The following IPCEF1 variants were observed in gnomAD, a reference collection of about 807,000 sequenced individuals.
The protein encoded by IPCEF1 is interactor protein for cytohesin exchange factors 1.
IPCEF1 carries 31 observed loss-of-function variants against 50.9 expected under a neutral mutation model. The observed-to-expected ratio is 0.61, with a 90% confidence interval of 0.46 to 0.82. IPCEF1 has a LOEUF of 0.82. Among genes scored for constraint, IPCEF1 ranks in the 40% least tolerant of loss-of-function variants. IPCEF1 has a pLI of 0.00. For synonymous variants in IPCEF1, 181 were observed against 192.0 expected (o/e 0.94, Z 0.47); for missense variants, 458 against 514.0 (o/e 0.89, Z 1.05).
At chr6:154,349,467 T>G (rs1784087651) in intron 1 of IPCEF1, among the ~76,000 whole-genome samples, 1 of 152,020 alleles carries the variant, frequency 6.6e-6, no homozygotes, top group African/African-American at 2.4e-5. Flanking sequence ...GCTCAAGTGA[T>G]CTTTCCACCT....
rs192623380 is a variant in IPCEF1 at position 154,155,953 on chromosome 6, A to G, written c.*3875T>C. On this transcript the variant is annotated 3_prime_UTR_variant, in exon 12 of 12. Transcript: ENST00000367220. The stretch of plus-strand genomic sequence containing the variant: ...TGGAGTGCTACCTGAGTAAATTATC[A>G]TGATTACATGAAAAGCAATTAAGAG... 2.6e-5 allele frequency: 4 copies of G among 152,338 alleles called. No individual in the cohort carries two copies. The highest frequency in any genetic ancestry group is 7.2e-5 in the African/African-American group (3 of 41,578). 9.4% of individuals were successfully genotyped at this position (152,338 alleles called of 1,614,324 possible).
intron 1 of IPCEF1, among the ~76,000 whole-genome samples, chr6:154,333,429 C>T (rs1783715955): frequency 6.6e-6 from 1 of 151,978 alleles, no homozygotes; most frequent in Non-Finnish European, 1.5e-5. Flanking sequence ...TGCCCCTGAA[C>T]ATCAGACTCC....
At chr6:154,348,549 G>C (rs1205501946) in intron 1 of IPCEF1, among the ~76,000 whole-genome samples, 2 of 152,248 alleles carry the variant, frequency 1.3e-5, no homozygotes, top group African/African-American at 4.8e-5. Context: ...AGTATTTGGT[G>C]AAGGTTGAAT....
Position 154,273,704 on chromosome 6 carries a change from TTTTC to T in IPCEF1, c.-17-7744_-17-7741del, listed in dbSNP as rs776985277. ...CAAATTATTTTAAGCTTTTTTCTTT[TTTTC>T]TTTCTTTCTTTCTTTCTTTTTTTTT... On this transcript the variant is annotated intron_variant, in intron 2 of 11. Transcript: ENST00000367220. Among the ~76,000 whole-genome samples the T allele has an allele frequency of 2.2e-4, 17 of 77,390 alleles. 1 individual carries two copies. Among genetic ancestry groups the T allele is most frequent in the Admixed American group, 5.6e-4 (4 of 7,080 alleles). 50.8% of individuals were successfully genotyped at this position (77,390 alleles called of 152,430 possible). A position where few individuals can be genotyped will look rare whatever the true frequency, so the allele number is the denominator to read the frequency against.
intron 1 of IPCEF1, among the ~76,000 whole-genome samples, chr6:154,301,317 G>A (rs1206014084): frequency 6.6e-6 from 1 of 152,196 alleles, no homozygotes; most frequent in Non-Finnish European, 1.5e-5. Flanking sequence ...CTGGGGCCAT[G>A]CACTGGTAGG....
intron 9 of IPCEF1, among the ~76,000 whole-genome samples, chr6:154,206,684 C>T (rs1777520689): frequency 1.3e-5 from 2 of 152,170 alleles, no homozygotes; most frequent in South Asian, 4.1e-4. Context: ...ACCTAGAGGA[C>T]TAGAGATGTT....
chr6:154,294,485 T>A (rs931796289), intron 1 of IPCEF1, among the ~76,000 whole-genome samples: 1 of 152,002 alleles, frequency 6.6e-6, no homozygotes, highest in African/African-American at 2.4e-5. Flanking sequence ...TTGACCCCAG[T>A]GAGACAGCCA....
At chr6:154,325,384 G>A (rs2045532636) in intron 1 of IPCEF1, among the ~76,000 whole-genome samples, 1 of 152,132 alleles carries the variant, frequency 6.6e-6, no homozygotes, top group South Asian at 2.1e-4. Flanking sequence ...TGTATAAACT[G>A]GTTAGTGATT....
intron 10 of IPCEF1, among the ~76,000 whole-genome samples, chr6:154,192,676 G>T (rs1045371112): frequency 2.0e-5 from 3 of 151,280 alleles, no homozygotes; most frequent in African/African-American, 4.9e-5. Flanking sequence ...AAAAAAAAAT[G>T]ACTTAATCCT....
intron 2 of IPCEF1, among the ~76,000 whole-genome samples, chr6:154,270,059 A>C (rs2128657501): frequency 6.6e-6 from 1 of 152,342 alleles, no homozygotes; most frequent in Admixed American, 6.5e-5. Flanking sequence ...TATCAGTTTA[A>C]GCAAAGTGCC....
chr6:154,173,076 C>G (rs1240536469), intron 10 of IPCEF1, among the ~76,000 whole-genome samples: 1 of 152,230 alleles, frequency 6.6e-6, no homozygotes, highest in Non-Finnish European at 1.5e-5. Context: ...AGCTGAGGGT[C>G]CTGTCTGTTA....
At position 154,168,868 on chromosome 6, in the gene IPCEF1, A is replaced by G. The variant is rs1408051683; in HGVS notation, c.911-755T>C. On this transcript the variant is annotated intron_variant, in intron 10 of 11. Coordinates refer to ENST00000367220, the MANE Select transcript of IPCEF1 (RefSeq NM_001130700.2). The surrounding 1 kb of genome is among the most constrained non-coding windows in gnomAD (Gnocchi z 4.1). ...TGATCCGCCCACCTTGGCCTCCCAAAGTGCTGGGATTACAGGTGTGAGCCA... is the reference window on the plus strand; with the variant it reads ...TGATCCGCCCACCTTGGCCTCCCAAGGTGCTGGGATTACAGGTGTGAGCCA... Among the ~76,000 whole-genome samples the G allele has an allele frequency of 2.0e-5, 3 of 152,016 alleles. No individual in the cohort carries two copies. The highest frequency in any genetic ancestry group is 4.4e-5 in the Non-Finnish European group (3 of 67,996).
intron 1 of IPCEF1, among the ~76,000 whole-genome samples, chr6:154,311,286 C>A (rs1199607306): frequency 3.3e-5 from 5 of 152,176 alleles, no homozygotes; most frequent in African/African-American, 1.2e-4. Flanking sequence ...TTTCTCTTGG[C>A]TTTCAGTACT....
chr6:154,239,562 G>T (rs918423410), intron 5 of IPCEF1, among the ~76,000 whole-genome samples: 1 of 152,176 alleles, frequency 6.6e-6, no homozygotes, highest in South Asian at 2.1e-4. Context: ...GTCACCTACA[G>T]CTGCTGAAAT....
At chr6:154,295,115 G>A (rs182792707) in intron 1 of IPCEF1, among the ~76,000 whole-genome samples, 11 of 152,074 alleles carry the variant, frequency 7.2e-5, no homozygotes, top group Non-Finnish European at 1.5e-4. Flanking sequence ...GAAGAATGGC[G>A]TGAAACCAGG....
intron 3 of IPCEF1, among the ~76,000 whole-genome samples, chr6:154,259,653 AAAAT>A (rs1295872358): frequency 6.6e-6 from 1 of 152,086 alleles, no homozygotes; most frequent in Non-Finnish European, 1.5e-5. Context: ...ACTCTGTCTA[AAAAT>A]AAATAAATAA....
intron 5 of IPCEF1, among the ~76,000 whole-genome samples, chr6:154,224,499 G>A (rs1779101678): frequency 6.6e-6 from 1 of 152,096 alleles, no homozygotes; most frequent in Non-Finnish European, 1.5e-5. Context: ...CTTGCGGTGA[G>A]GTGTTCACGT....
At position 154,338,393 on chromosome 6, in the gene IPCEF1, T is replaced by C. The variant is rs186145658; in HGVS notation, c.-62+18279A>G. 9.1e-4 allele frequency among the ~76,000 whole-genome samples: 139 copies of C among 152,344 alleles called. 1 individual carries two copies. The highest frequency in any genetic ancestry group is 3.2e-3 in the African/African-American group (135 of 41,586). ...GAGTTTCGGTGATTTTCCAAATGTGTCCATCTTGTTAGTGACAACTGTTCA... is the reference window on the plus strand; with the variant it reads ...GAGTTTCGGTGATTTTCCAAATGTGCCCATCTTGTTAGTGACAACTGTTCA... On this transcript the variant is annotated intron_variant, in intron 1 of 11. Coordinates refer to ENST00000367220, the MANE Select transcript of IPCEF1 (RefSeq NM_001130700.2).
At chr6:154,313,908 T>C (rs971119318) in intron 1 of IPCEF1, among the ~76,000 whole-genome samples, 1 of 151,964 alleles carries the variant, frequency 6.6e-6, no homozygotes, top group Admixed American at 6.6e-5. Context: ...CACACCTGGC[T>C]AATTTTTTTT....
Sources: gnomAD v4.1 joint callset for allele counts (sites outside exome capture counted in the v4.1 genomes callset) on GRCh38, gnomAD v4.1.1 for gene constraint, Gnocchi (gnomAD v3.1) non-coding constraint, MANE v1.5 for transcripts, NCBI Gene and HGNC (gene_info 2026-07-23, HGNC 2026-07-21) for gene names.